The following JMJD1C variants were observed in gnomAD, a reference collection of about 807,000 sequenced individuals.
JMJD1C encodes the protein jumonji domain-containing protein 1C.
In JMJD1C, 31 loss-of-function variants were observed where a neutral mutation model predicts 245.3. The ratio of observed to expected loss-of-function variants is 0.13; its 90% confidence interval spans 0.09 to 0.17. JMJD1C has a LOEUF of 0.17. JMJD1C is among the 10% of genes least tolerant of loss of function. The pLI is 1.00. For missense variants in JMJD1C, 2,691 were observed against 3,000.2 expected (o/e 0.90, Z 2.41); for synonymous variants, 1,057 against 1,017.4 (o/e 1.04, Z -0.74).
intron 2 of JMJD1C, among the ~76,000 whole-genome samples, chr10:63,313,369 T>C (rs1449579588): frequency 6.6e-6 from 1 of 152,228 alleles, no homozygotes; most frequent in African/African-American, 2.4e-5. Flanking sequence ...GCCAGTTCCA[T>C]ATTTTTGTAA....
At chr10:63,446,039 C>G (rs550631227) in intron 1 of JMJD1C, among the ~76,000 whole-genome samples, 3 of 151,866 alleles carry the variant, frequency 2.0e-5, no homozygotes, top group African/African-American at 7.2e-5. Context: ...CCACGCCTAG[C>G]TAATTTTTTG....
In JMJD1C at chr10:63,411,339, A is replaced by C. The variant is rs1589695688; in HGVS notation, c.169-30857T>G. ...TTTGAGACGGAGTCTCGCTCTTGTC[A>C]CCCAGGCTGGAGTAGGTGGCCCAAT... On this transcript the variant is annotated intron_variant, in intron 1 of 25. Coordinates refer to ENST00000399262, the MANE Select transcript of JMJD1C (RefSeq NM_032776.3). 6.2e-5 allele frequency among the ~76,000 whole-genome samples: 8 copies of C among 128,898 alleles called. No individual in the cohort carries two copies. In the South Asian group the frequency reaches 1.8e-3, roughly 30 times the overall value. The allele number at this position is 128,898 out of a possible 152,430, so 84.6% of individuals were successfully genotyped here.
intron 3 of JMJD1C, among the ~76,000 whole-genome samples, chr10:63,220,790 C>A (rs753340741): frequency 1.3e-5 from 2 of 152,058 alleles, no homozygotes; most frequent in Non-Finnish European, 2.9e-5. Context: ...CAAACCAGCA[C>A]TGTCAAATGG....
At chr10:63,371,831 C>A (rs1470026643) in intron 2 of JMJD1C, among the ~76,000 whole-genome samples, 1 of 152,140 alleles carries the variant, frequency 6.6e-6, no homozygotes, top group Non-Finnish European at 1.5e-5. Flanking sequence ...AAGTGCTTTA[C>A]CTTGTAGAGA....
chr10:63,181,843 C>T (rs1285264872), intron 22 of JMJD1C, among the ~76,000 whole-genome samples: 16 of 152,202 alleles, frequency 1.1e-4, no homozygotes, highest in Non-Finnish European at 1.9e-4. Context: ...CATGGCATCA[C>T]AGGATTAGAA....
At chr10:63,484,774 C>T (rs1953942097) in intron 1 of JMJD1C, among the ~76,000 whole-genome samples, 2 of 151,790 alleles carry the variant, frequency 1.3e-5, no homozygotes, top group South Asian at 4.2e-4. Context: ...TTCTATTGAG[C>T]TTTGATTATG....
At chr10:63,364,464 T>G (rs1210874444) in intron 2 of JMJD1C, among the ~76,000 whole-genome samples, 5 of 152,224 alleles carry the variant, frequency 3.3e-5, no homozygotes, top group Non-Finnish European at 5.9e-5. Context: ...GTTGTTGCTA[T>G]CTTGGTGCGA....
chr10:63,244,912 G>A (rs1220511412), intron 3 of JMJD1C, among the ~76,000 whole-genome samples: 1 of 151,932 alleles, frequency 6.6e-6, no homozygotes, highest in Non-Finnish European at 1.5e-5. Context: ...CAAGGCAGCC[G>A]GATCACTTGT....
At chr10:63,490,417 A>ATTTTTTTTTTTT (rs113478578) in intron 1 of JMJD1C, among the ~76,000 whole-genome samples, 1 of 118,526 alleles carries the variant, frequency 8.4e-6, no homozygotes, top group Non-Finnish European at 1.7e-5. Flanking sequence ...TTATTTATTT[A>ATTTTTTTTTTTT]TTTTATTTTT....
intron 4 of JMJD1C, among the ~76,000 whole-genome samples, chr10:63,219,559 C>T (rs1321069414): frequency 6.6e-6 from 1 of 152,148 alleles, no homozygotes; most frequent in Non-Finnish European, 1.5e-5. Context: ...GTGGGCAACC[C>T]TCTACTGCAA....
At chr10:63,301,871 A>G (rs1860128744) in intron 2 of JMJD1C, 1 of 367,672 alleles carries the variant, frequency 2.7e-6, no homozygotes, top group Admixed American at 3.4e-5. Flanking sequence ...CAAATGGCTA[A>G]AGAATTCTGT....
At chr10:63,178,861 G>A (rs1210122657) in intron 22 of JMJD1C, among the ~76,000 whole-genome samples, 1 of 152,116 alleles carries the variant, frequency 6.6e-6, no homozygotes, top group Non-Finnish European at 1.5e-5. Context: ...TTTTTTAAAA[G>A]GACCAGTGAA....
At chr10:63,291,558 T>C (rs1052621748) in intron 2 of JMJD1C, among the ~76,000 whole-genome samples, 3 of 149,724 alleles carry the variant, frequency 2.0e-5, no homozygotes, top group African/African-American at 7.4e-5. Flanking sequence ...GAGGTTGCAG[T>C]GAGCCGAGAT....
intron 3 of JMJD1C, among the ~76,000 whole-genome samples, chr10:63,249,969 C>T (rs1852828852): frequency 6.6e-6 from 1 of 152,006 alleles, no homozygotes; most frequent in Non-Finnish European, 1.5e-5. Flanking sequence ...TAAATTATCA[C>T]ATGTACCCCC....
Position 63,465,735 on chromosome 10 carries a change from G to T in JMJD1C, c.-73C>A. On this transcript the variant is annotated 5_prime_UTR_variant, in exon 1 of 26. Coordinates refer to ENST00000399262, the MANE Select transcript of JMJD1C (RefSeq NM_032776.3). The stretch of plus-strand genomic sequence containing the variant: ...CGATGAAACCTCACTCCTACCGGCC[G>T]CTCATGCTGAGGAGAGCGGACCGGG... 1 of 1,552,590 alleles carries T rather than the reference G, an allele frequency of 6.4e-7. No individual in the cohort carries two copies. The highest frequency in any genetic ancestry group is 8.8e-7 in the Non-Finnish European group (1 of 1,141,012).
In JMJD1C at chr10:63,185,711, A is replaced by T. The variant is rs545637201; in HGVS notation, c.6740-58T>A. On this transcript the variant is annotated intron_variant, in intron 19 of 25. Transcript: ENST00000399262. ...AATTTCTGCCTTTTTATCTTTATTA[A>T]CATTTGGAAAGAAACGTAAATGAAT... 37 of 953,866 alleles carry T rather than the reference A, an allele frequency of 3.9e-5. No individual in the cohort carries two copies. In the South Asian group the frequency reaches 4.6e-4, roughly 12 times the overall value. 59.1% of individuals were successfully genotyped at this position (953,866 alleles called of 1,614,324 possible).
intron 2 of JMJD1C, among the ~76,000 whole-genome samples, chr10:63,304,490 G>C (rs1320858572): frequency 3.3e-5 from 5 of 152,214 alleles, no homozygotes; most frequent in South Asian, 2.1e-4. Flanking sequence ...GACTTAAAAA[G>C]AAATAAAAGA....
chr10:63,269,703 A>T (rs913869659), intron 2 of JMJD1C, among the ~76,000 whole-genome samples: 2 of 152,210 alleles, frequency 1.3e-5, no homozygotes, highest in East Asian at 3.8e-4. Context: ...AAAAACTGGT[A>T]ATATTTATTT....
chr10:63,513,154 A>T (rs181109573), intron 1 of JMJD1C, among the ~76,000 whole-genome samples: 2 of 152,250 alleles, frequency 1.3e-5, no homozygotes, highest in Admixed American at 6.5e-5. Flanking sequence ...AAATAAAGCC[A>T]CATACCTACA....
Sources: allele counts gnomAD v4.1 joint callset (sites outside exome capture counted in the v4.1 genomes callset), GRCh38; gene constraint gnomAD v4.1.1; transcripts MANE v1.5; gene names NCBI Gene and HGNC (gene_info 2026-07-23, HGNC 2026-07-21).